Variants in WNT9B observed in about 807,000 individuals in gnomAD.
WNT9B encodes protein Wnt-9b.
WNT9B carries 12 observed loss-of-function variants against 30.2 expected under a neutral mutation model. The observed-to-expected ratio is 0.40, with a 90% CI of 0.26 to 0.64. WNT9B has a LOEUF of 0.64. Among genes scored for constraint, WNT9B ranks in the 30% least tolerant of loss-of-function variants. WNT9B has a pLI of 0.42. For missense variants in WNT9B, 442 were observed against 485.2 expected, an observed-to-expected ratio of 0.91 and a Z score of 0.84; for synonymous variants, 218 against 216.9, an observed-to-expected ratio of 1.01 and a Z score of -0.05.
intron 2 of WNT9B, among the ~76,000 whole-genome samples, chr17:46,873,988 CAAAA>C (rs397857419): frequency 2.4e-3 from 164 of 69,724 alleles, no homozygotes; most frequent in African/African-American, 7.9e-3. Flanking sequence ...GACTCTGTCT[CAAAA>C]AAAAAAAAAA....
upstream of WNT9B, among the ~76,000 whole-genome samples, chr17:46,849,169 G>A (rs2084810399): frequency 2.0e-5 from 3 of 152,218 alleles, no homozygotes; most frequent in Admixed American, 2.0e-4. Flanking sequence ...TGGCTGGCAA[G>A]GATTCAAGAG....
chr17:46,861,443 A>G (rs1029647748), intron 1 of WNT9B, among the ~76,000 whole-genome samples: 6 of 148,218 alleles, frequency 4.0e-5, no homozygotes, highest in African/African-American at 1.5e-4. Context: ...TGTCCCATTC[A>G]CTCCTTCATC....
downstream of WNT9B, among the ~76,000 whole-genome samples, chr17:46,884,296 C>T (rs909531834): frequency 8.5e-5 from 13 of 152,182 alleles, no homozygotes; most frequent in Admixed American, 6.5e-5. Flanking sequence ...GGCAACATGT[C>T]ATTTCTGAAA....
chr17:46,836,254 A>G (rs1226856432), intron 1 of WNT9B, among the ~76,000 whole-genome samples: 1 of 151,904 alleles, frequency 6.6e-6, no homozygotes, highest in African/African-American at 2.4e-5. Flanking sequence ...GGAGGAAGTG[A>G]TATTGGAATT....
chr17:46,851,596 A>T lies in WNT9B; in HGVS notation c.-43A>T, dbSNP rs891066622. On this transcript the variant is annotated 5_prime_UTR_variant, in exon 1 of 4. Transcript: ENST00000290015. The surrounding 1 kb of genome is among the most constrained non-coding windows in gnomAD (Gnocchi z 4.3). ...GGGTGGTGGCGGAGCTGCGAGCTTGAGCGGCGCGAGGAGATGCTAGAGGGC... is the reference window on the plus strand; with the variant it reads ...GGGTGGTGGCGGAGCTGCGAGCTTGTGCGGCGCGAGGAGATGCTAGAGGGC... The T allele has an allele frequency of 8.7e-7, 1 of 1,152,426 alleles. No homozygotes were observed. Among genetic ancestry groups the T allele is most frequent in the Non-Finnish European group, 1.1e-6 (1 of 914,202 alleles). The allele number at this position is 1,152,426 out of a possible 1,614,324, so 71.4% of individuals were successfully genotyped here.
At chr17:46,857,425 A>C (rs1273370329) in intron 1 of WNT9B, among the ~76,000 whole-genome samples, 1 of 150,626 alleles carries the variant, frequency 6.6e-6, no homozygotes, top group Non-Finnish European at 1.5e-5. Flanking sequence ...CAGTGAGCCA[A>C]GACTGTGCCA....
chr17:46,858,122 G>C (rs2084969932), intron 1 of WNT9B, among the ~76,000 whole-genome samples: 1 of 152,150 alleles, frequency 6.6e-6, no homozygotes. Flanking sequence ...TAGAGATAAG[G>C]TTTCATCATG....
Position 46,878,080 on chromosome 17 carries a change from G to T in WNT9B, c.*1362G>T, listed in dbSNP as rs2085373274. Among the ~76,000 whole-genome samples the T allele has an allele frequency of 6.6e-6, 1 of 152,234 alleles. No individual in the cohort carries two copies. The highest frequency in any genetic ancestry group is 2.4e-5 in the African/African-American group (1 of 41,470). On this transcript the variant is annotated 3_prime_UTR_variant, in exon 4 of 4. Coordinates refer to ENST00000290015, the MANE Select transcript of WNT9B (RefSeq NM_003396.3). Reference sequence around the variant, plus strand: ...CTGGACCAGGCTGGGGGTTCCTGTTGCACATGCCTCTCTTGTTCAGGATGA... The same window carrying T: ...CTGGACCAGGCTGGGGGTTCCTGTTTCACATGCCTCTCTTGTTCAGGATGA...
At chr17:46,859,414 C>T (rs1053375046) in intron 1 of WNT9B, among the ~76,000 whole-genome samples, 1 of 152,192 alleles carries the variant, frequency 6.6e-6, no homozygotes, top group Non-Finnish European at 1.5e-5. Flanking sequence ...ATGATGTTTT[C>T]TCCACTGTCA....
rs1320130469 is a variant in WNT9B, at chr17:46,880,084, T to G, written c.*3366T>G. ...GCAAAAGTCAGCTGCGCTGGCAGACTGGGCCTGCATGTCCTCCTGCAGGCA... is the reference window on the plus strand; with the variant it reads ...GCAAAAGTCAGCTGCGCTGGCAGACGGGGCCTGCATGTCCTCCTGCAGGCA... On this transcript the variant is annotated 3_prime_UTR_variant, in exon 4 of 4. Coordinates refer to ENST00000290015, the MANE Select transcript of WNT9B (RefSeq NM_003396.3). 6.6e-6 allele frequency among the ~76,000 whole-genome samples: 1 copy of G among 152,256 alleles called. No individual in the cohort carries two copies. The highest frequency in any genetic ancestry group is 2.4e-5 in the African/African-American group (1 of 41,476).
intron 1 of WNT9B, among the ~76,000 whole-genome samples, chr17:46,836,994 G>T (rs1416128371): frequency 1.3e-5 from 2 of 152,028 alleles, no homozygotes; most frequent in East Asian, 3.9e-4. Context: ...CCAGGCTGTA[G>T]TGCAGTGGCG....
Position 46,851,630 on chromosome 17 carries a change from G to A in WNT9B, c.-9G>A, listed in dbSNP as rs1253986835. ...AGGAGATGCTAGAGGGCGCAGCGCC[G>A]CCAGCACCATGCGCCCCCCGCCCGC... On this transcript the variant is annotated 5_prime_UTR_variant, in exon 1 of 4. Coordinates refer to ENST00000290015, the MANE Select transcript of WNT9B (RefSeq NM_003396.3). This position sits in a 1 kb window ranked among gnomAD's most constrained non-coding sequence, Gnocchi z 4.3. 7.9e-7 allele frequency: 1 copy of A among 1,267,836 alleles called. No homozygotes were observed. The highest frequency in any genetic ancestry group is 9.9e-7 in the Non-Finnish European group (1 of 1,009,892). The allele number at this position is 1,267,836 out of a possible 1,614,324, so 78.5% of individuals were successfully genotyped here. A position where few individuals can be genotyped will look rare whatever the true frequency, so the allele number is the denominator to read the frequency against.
At chr17:46,871,338 T>C (rs145578422) in intron 1 of WNT9B, among the ~76,000 whole-genome samples, 2 of 152,216 alleles carry the variant, frequency 1.3e-5, no homozygotes, top group Non-Finnish European at 2.9e-5. Flanking sequence ...AGCAAACATT[T>C]TGAACCAGCA....
chr17:46,876,445 G>A lies in WNT9B; in HGVS notation c.801G>A (p.Gln267=). The change falls in exon 4 of 4, where the codon CAG becomes CAA. Residue 267 remains glutamine, a synonymous_variant. Coordinates refer to ENST00000290015, the MANE Select transcript of WNT9B (RefSeq NM_003396.3). ...GRLELWAPAR[Q]GSLTKGLAPR... ...TAGAGCTGTGGGCCCCTGCCAGGCA[G>A]GGCAGCCTCACCAAAGGCCTGGCCC... 6.2e-7 allele frequency: 1 copy of A among 1,613,738 alleles called. No homozygotes were observed. The highest frequency in any genetic ancestry group is 2.2e-5 in the East Asian group (1 of 44,888).
chr17:46,854,307 G>A (rs1451152332), intron 1 of WNT9B, among the ~76,000 whole-genome samples: 2 of 152,218 alleles, frequency 1.3e-5, no homozygotes, highest in Non-Finnish European at 2.9e-5. Context: ...GGGAAAGTGA[G>A]GCAAAGCGCT....
chr17:46,849,565 G>A (rs1163388801), upstream of WNT9B, among the ~76,000 whole-genome samples: 1 of 152,214 alleles, frequency 6.6e-6, no homozygotes, highest in Non-Finnish European at 1.5e-5. Flanking sequence ...TGTGATCGTG[G>A]TTCAAAATCT....
chr17:46,857,427 A>T (rs1017875471), intron 1 of WNT9B, among the ~76,000 whole-genome samples: 1 of 147,436 alleles, frequency 6.8e-6, no homozygotes, highest in Non-Finnish European at 1.5e-5. Context: ...GTGAGCCAAG[A>T]CTGTGCCACT....
At chr17:46,862,175 A>G (rs2085051113) in intron 1 of WNT9B, among the ~76,000 whole-genome samples, 1 of 150,748 alleles carries the variant, frequency 6.6e-6, no homozygotes, top group Admixed American at 6.6e-5. Context: ...AAAAAAAAAA[A>G]AAAAGAAAAA....
chr17:46,851,420 A>G (rs1219825510), upstream of WNT9B, among the ~76,000 whole-genome samples: 48 of 138,798 alleles, frequency 3.5e-4, no homozygotes, highest in East Asian at 9.8e-3. The surrounding 1 kb of genome is among the most constrained non-coding windows in gnomAD (Gnocchi z 4.3). Flanking sequence ...GGGGCGGTCC[A>G]GGGGCGGCTG....
Sources: allele counts gnomAD v4.1 joint callset (sites outside exome capture counted in the v4.1 genomes callset), GRCh38; gene constraint gnomAD v4.1.1; non-coding constraint Gnocchi (gnomAD v3.1); transcripts MANE v1.5; gene names NCBI Gene and HGNC (gene_info 2026-07-23, HGNC 2026-07-21).